The following MYO18B variants were observed in gnomAD, a reference collection of about 807,000 sequenced individuals.
MYO18B encodes the protein unconventional myosin-XVIIIb.
MYO18B carries 204 observed loss-of-function variants against 273.0 expected under a neutral mutation model. The observed-to-expected ratio is 0.75, with a 90% CI of 0.67 to 0.84. The LOEUF (loss-of-function observed/expected upper bound fraction) is 0.84, where lower values mean the gene tolerates loss of function less well. Among genes scored for constraint, MYO18B ranks in the 40% least tolerant of loss-of-function variants. MYO18B has a pLI of 0.00. For missense variants in MYO18B, 3,212 were observed against 3,287.6 expected (o/e 0.98, Z 0.56); for synonymous variants, 1,330 against 1,305.7 (o/e 1.02, Z -0.40).
At chr22:25,858,564 C>G (rs541614579) in intron 21 of MYO18B, among the ~76,000 whole-genome samples, 3 of 152,160 alleles carry the variant, frequency 2.0e-5, no homozygotes, top group African/African-American at 7.2e-5. Flanking sequence ...ATATGCTTTT[C>G]GGGTACACTC....
chr22:25,775,662 G>A (rs1185951071), intron 7 of MYO18B, among the ~76,000 whole-genome samples: 2 of 151,964 alleles, frequency 1.3e-5, no homozygotes, highest in South Asian at 2.1e-4. Context: ...CTAAGACTCC[G>A]CTTTCCTGGT....
At chr22:25,978,488 A>G (rs1381132516) in intron 39 of MYO18B, among the ~76,000 whole-genome samples, 2 of 152,218 alleles carry the variant, frequency 1.3e-5, no homozygotes, top group African/African-American at 2.4e-5. Flanking sequence ...CAGAGACTTT[A>G]AAGGACTTGA....
At chr22:26,015,820 C>G (rs892118643) in intron 42 of MYO18B, among the ~76,000 whole-genome samples, 8 of 152,098 alleles carry the variant, frequency 5.3e-5, no homozygotes, top group Non-Finnish European at 8.8e-5. Context: ...TTCTTACTTT[C>G]TACACCTAGG....
At chr22:25,864,131 T>C (rs1177392571) in intron 21 of MYO18B, among the ~76,000 whole-genome samples, 1 of 152,200 alleles carries the variant, frequency 6.6e-6, no homozygotes, top group Non-Finnish European at 1.5e-5. Context: ...TTTTCACAGC[T>C]GCCTCACCCT....
At chr22:25,875,610 C>T (rs976597926) in intron 23 of MYO18B, among the ~76,000 whole-genome samples, 1 of 152,200 alleles carries the variant, frequency 6.6e-6, no homozygotes, top group Non-Finnish European at 1.5e-5. Context: ...TGCACATTTG[C>T]AGGCTCCATC....
intron 12 of MYO18B, among the ~76,000 whole-genome samples, chr22:25,804,143 T>C (rs572094799): frequency 6.6e-6 from 1 of 152,338 alleles, no homozygotes; most frequent in East Asian, 1.9e-4. Flanking sequence ...ATCCACTTTC[T>C]CTGCAGCTAC....
chr22:25,760,428 A>AAC (rs1376922924), intron 1 of MYO18B, among the ~76,000 whole-genome samples: 8 of 149,756 alleles, frequency 5.3e-5, no homozygotes, highest in African/African-American at 2.0e-4. Context: ...AAAAAAAAAA[A>AAC]AAAAAACACA....
At chr22:25,841,416 C>G (rs1482807352) in intron 17 of MYO18B, among the ~76,000 whole-genome samples, 4 of 151,824 alleles carry the variant, frequency 2.6e-5, no homozygotes, top group African/African-American at 9.6e-5. Flanking sequence ...GGGGAACAAG[C>G]AGGCCTGGAA....
chr22:25,869,121 G>A (rs1422562217), intron 22 of MYO18B, among the ~76,000 whole-genome samples: 1 of 152,084 alleles, frequency 6.6e-6, no homozygotes, highest in Non-Finnish European at 1.5e-5. Flanking sequence ...AAGGACCAAG[G>A]AGTGGGGGCA....
intron 34 of MYO18B, among the ~76,000 whole-genome samples, chr22:25,921,855 T>TGG (rs1555947015): frequency 1.9e-4 from 27 of 142,904 alleles, no homozygotes; most frequent in African/African-American, 6.2e-4. Context: ...TGTGTGTGTG[T>TGG]GGTGACTGCC....
the MYO18B span, among the ~76,000 whole-genome samples, chr22:26,044,272 G>C: frequency 6.6e-6 from 1 of 152,126 alleles, no homozygotes; most frequent in African/African-American, 2.4e-5. Flanking sequence ...TCCAGTCTGT[G>C]GTTTGCCTAT....
chr22:25,786,393 A>G (rs1484502844), intron 11 of MYO18B, among the ~76,000 whole-genome samples: 1 of 152,110 alleles, frequency 6.6e-6, no homozygotes, highest in Non-Finnish European at 1.5e-5. Flanking sequence ...ATAGGAGTTC[A>G]CCAGATGGAG....
Position 26,027,324 on chromosome 22 carries a change from G to C in MYO18B, c.7350G>C (p.Lys2450Asn). Residue 2450 changes from lysine (K) to asparagine (N), a missense_variant, in exon 43 of 44, where the codon AAG (lysine) becomes AAC (asparagine). Coordinates refer to ENST00000335473, the MANE Select transcript of MYO18B (RefSeq NM_032608.7). The surrounding 1 kb of genome is among the most constrained non-coding windows in gnomAD (Gnocchi z 4.1). Reference sequence around the variant, plus strand: ...ATGACTTCCTCCCAGCTATCCGGAAGCCCCAGACACCTACCTCCTTGGCTG... The same window carrying C: ...ATGACTTCCTCCCAGCTATCCGGAACCCCCAGACACCTACCTCCTTGGCTG... ...DFDDFLPAIR[K>N]PQTPTSLAGS... is the part of the protein sequence containing the mutation. 6.2e-7 allele frequency: 1 copy of C among 1,613,996 alleles called. No individual in the cohort carries two copies.
chr22:25,926,366 A>C (rs923368666), intron 34 of MYO18B, among the ~76,000 whole-genome samples: 2 of 151,402 alleles, frequency 1.3e-5, no homozygotes, highest in African/African-American at 4.9e-5. Context: ...CTCACTGCAA[A>C]CTCTGCCTCC....
chr22:25,844,843 ATGACCCAGG>A (rs2090187774), intron 18 of MYO18B, among the ~76,000 whole-genome samples: 1 of 152,188 alleles, frequency 6.6e-6, no homozygotes, highest in South Asian at 2.1e-4. Flanking sequence ...GGACTGAATG[ATGACCCAGG>A]TGGCACAGGT....
chr22:25,929,526 T>A (rs2092468560), intron 34 of MYO18B, among the ~76,000 whole-genome samples: 1 of 152,218 alleles, frequency 6.6e-6, no homozygotes, highest in Admixed American at 6.5e-5. Context: ...TGATGTCTGC[T>A]CCAGGGCAGC....
chr22:26,023,843 G>A (rs547044687), intron 42 of MYO18B, among the ~76,000 whole-genome samples: 31 of 152,340 alleles, frequency 2.0e-4, no homozygotes, highest in African/African-American at 5.8e-4. Context: ...AAATACAGGC[G>A]TGTGAATGCC....
At chr22:25,991,754 G>A (rs1422920427) in intron 39 of MYO18B, among the ~76,000 whole-genome samples, 2 of 152,166 alleles carry the variant, frequency 1.3e-5, no homozygotes, top group African/African-American at 4.8e-5. Context: ...AGGCATGAGT[G>A]AGATCCTGGC....
intron 21 of MYO18B, 89 bp downstream of exon 21, chr22:25,851,668 G>A: frequency 2.1e-6 from 2 of 945,056 alleles, no homozygotes; most frequent in Non-Finnish European, 3.3e-6. Flanking sequence ...ACGGTGAGTG[G>A]CTCATGCCTG....
Sources: allele counts gnomAD v4.1 joint callset (sites outside exome capture counted in the v4.1 genomes callset), GRCh38; gene constraint gnomAD v4.1.1; non-coding constraint Gnocchi (gnomAD v3.1); transcripts MANE v1.5; gene names NCBI Gene and HGNC (gene_info 2026-07-23, HGNC 2026-07-21).